Variants in FANCB observed in about 807,000 individuals in gnomAD.
FANCB encodes Fanconi anemia group B protein.
Under a neutral mutation model 38.9 loss-of-function variants are expected in FANCB, and 5 were observed. The ratio of observed to expected loss-of-function variants is 0.13; its 90% CI spans 0.07 to 0.27. The LOEUF is 0.27. Ranked by LOEUF, FANCB falls within the 10% of genes least tolerant of loss-of-function variation. FANCB has a pLI of 1.00. For synonymous variants in FANCB, 236 were observed against 215.4 expected (o/e 1.10, Z -0.84); for missense variants, 573 against 602.7 (o/e 0.95, Z 0.52).
At chrX:14,823,432 T>C in the FANCB span, among the ~76,000 whole-genome samples, 4 of 111,839 alleles carry the variant, frequency 3.6e-5, no homozygotes, top group African/African-American at 1.3e-4. Flanking sequence ...ATATGTCTCT[T>C]GAATGCAGCA....
chrX:14,861,993 C>T (rs955838252), intron 3 of FANCB, among the ~76,000 whole-genome samples: 8 of 112,069 alleles, frequency 7.1e-5, no homozygotes, highest in African/African-American at 2.6e-4. Context: ...TACAGGCATG[C>T]GCCATGTTGG....
the FANCB span, among the ~76,000 whole-genome samples, chrX:14,704,458 A>G: frequency 4.4e-5 from 5 of 112,616 alleles, no homozygotes; most frequent in South Asian, 1.8e-3. Flanking sequence ...TCTCATAAAA[A>G]GATCGAGCTA....
chrX:14,770,333 G>T, the FANCB span, among the ~76,000 whole-genome samples: 1 of 111,944 alleles, frequency 8.9e-6, no homozygotes, highest in African/African-American at 3.2e-5. Context: ...CTTATATTGG[G>T]TGCATATATA....
At chrX:14,767,172 T>C in the FANCB span, among the ~76,000 whole-genome samples, 1 of 112,088 alleles carries the variant, frequency 8.9e-6, no homozygotes, top group Non-Finnish European at 1.9e-5. Flanking sequence ...ATCTTTATAA[T>C]ACAGTGATAT....
chrX:14,864,946 A>G lies in FANCB; in HGVS notation c.565T>C (p.Cys189Arg). The change falls in exon 3 of 10, where the codon TGT becomes CGT. Residue 189 changes from cysteine (C) to arginine (R), a missense_variant. Transcript: ENST00000650831. ...GTACATTCTTCCTCAGATAAACAAC[A>G]TTCCTTTAGTCCCAATAAAACCATA... The part of the protein sequence containing the change: ...LGMVLLGLKE[C>R]CLSEEECTQE... 7 of 1,210,977 alleles carry G rather than the reference A, an allele frequency of 5.8e-6. No individual in the cohort carries two copies. Among genetic ancestry groups the G allele is most frequent in the Non-Finnish European group, 7.8e-6 (7 of 894,764 alleles).
chrX:14,814,097 G>T, the FANCB span, among the ~76,000 whole-genome samples: 3 of 111,768 alleles, frequency 2.7e-5, no homozygotes, highest in Admixed American at 9.5e-5. Context: ...TTTAATAAAT[G>T]GTGCTGGGAA....
At chrX:14,834,332 A>G (rs373031815), downstream of FANCB, 1 of 310,718 alleles carries the variant, frequency 3.2e-6, no homozygotes, top group African/African-American at 2.6e-5. Context: ...CACATTCTTC[A>G]CAATGGAACC....
chrX:14,803,967 T>G, the FANCB span, among the ~76,000 whole-genome samples: 4 of 111,242 alleles, frequency 3.6e-5, no homozygotes, highest in Non-Finnish European at 5.7e-5. Flanking sequence ...TGGCAATCAT[T>G]AAAAAGTCAG....
chrX:14,762,130 C>G, the FANCB span, among the ~76,000 whole-genome samples: 795 of 111,138 alleles, frequency 7.2e-3, 13 homozygotes, highest in African/African-American at 0.025. Context: ...CACCTTGTTG[C>G]TGCATCCTCA....
the FANCB span, among the ~76,000 whole-genome samples, chrX:14,737,457 G>T: frequency 1.8e-5 from 2 of 111,854 alleles, no homozygotes; most frequent in Non-Finnish European, 3.8e-5. Flanking sequence ...TTGCAGGGTG[G>T]TTAGAAGCTA....
At chrX:14,811,386 G>A in the FANCB span, among the ~76,000 whole-genome samples, 1 of 111,539 alleles carries the variant, frequency 9.0e-6, no homozygotes, top group African/African-American at 3.3e-5. Context: ...TGGATAAAGA[G>A]TCAAGACCCA....
At chrX:14,763,445 A>T in the FANCB span, among the ~76,000 whole-genome samples, 1 of 112,048 alleles carries the variant, frequency 8.9e-6, no homozygotes, top group East Asian at 2.8e-4. Context: ...ATATTGTTCC[A>T]AGTACATAAA....
chrX:14,802,388 G>A, the FANCB span, among the ~76,000 whole-genome samples: 13 of 112,139 alleles, frequency 1.2e-4, no homozygotes, highest in African/African-American at 1.6e-4. Context: ...AGGGAAGGCA[G>A]AGACCAAATT....
chrX:14,846,525 CCAT>C (rs1236482085), intron 7 of FANCB, among the ~76,000 whole-genome samples: 1 of 111,695 alleles, frequency 9.0e-6, no homozygotes, highest in Non-Finnish European at 1.9e-5. Flanking sequence ...TAGAATACCA[CCAT>C]GTTATAAAAT....
At chrX:14,761,220 C>T in the FANCB span, among the ~76,000 whole-genome samples, 1 of 110,962 alleles carries the variant, frequency 9.0e-6, no homozygotes, top group Non-Finnish European at 1.9e-5. Flanking sequence ...CCAGGCTGAT[C>T]TCAAATTCCT....
chrX:14,728,959 T>C, the FANCB span, among the ~76,000 whole-genome samples: 4 of 112,370 alleles, frequency 3.6e-5, no homozygotes, highest in Admixed American at 3.8e-4. Flanking sequence ...CTGAAATAGT[T>C]CTTCTCACCT....
the FANCB span, among the ~76,000 whole-genome samples, chrX:14,728,835 C>T: frequency 8.9e-6 from 1 of 112,386 alleles, no homozygotes; most frequent in Admixed American, 9.4e-5. Context: ...TGCAGCTTCC[C>T]CTCTGAGCAC....
At chrX:14,747,519 TACA>T in the FANCB span, among the ~76,000 whole-genome samples, 1 of 112,702 alleles carries the variant, frequency 8.9e-6, no homozygotes. Context: ...TAAAAATCAA[TACA>T]ACATTTTTAA....
At chrX:14,769,572 T>A in the FANCB span, among the ~76,000 whole-genome samples, 1 of 111,311 alleles carries the variant, frequency 9.0e-6, no homozygotes. Context: ...GTCTAGCTAG[T>A]GGTCCATCTG....
Sources: gnomAD v4.1 joint callset for allele counts (sites outside exome capture counted in the v4.1 genomes callset) on GRCh38, gnomAD v4.1.1 for gene constraint, MANE v1.5 for transcripts, NCBI Gene and HGNC (gene_info 2026-07-23, HGNC 2026-07-21) for gene names.